NEGR1: variants seen among roughly 807,000 people sequenced by gnomAD.
The protein encoded by NEGR1 is neuronal growth regulator 1, also known as IgLON family member 4.
A neutral mutation model predicts 40.9 loss-of-function variants in NEGR1; 10 were observed. The observed-to-expected ratio is 0.24, with a 90% confidence interval of 0.15 to 0.42. The LOEUF is 0.42. NEGR1 is among the 10% of genes least tolerant of loss of function. NEGR1 has a pLI of 1.00. For missense variants in NEGR1, 352 were observed against 438.9 expected (o/e 0.80, Z 1.77); for synonymous variants, 185 against 166.8 (o/e 1.11, Z -0.84).
At chr1:71,957,015 A>T (rs1312427225) in intron 1 of NEGR1, among the ~76,000 whole-genome samples, 1 of 152,180 alleles carries the variant, frequency 6.6e-6, no homozygotes, top group Non-Finnish European at 1.5e-5. Context: ...TCCTCATCGC[A>T]GGAATACTCA....
chr1:71,758,850 A>T (rs1655835124), intron 3 of NEGR1, among the ~76,000 whole-genome samples: 1 of 152,184 alleles, frequency 6.6e-6, no homozygotes, highest in African/African-American at 2.4e-5. Flanking sequence ...AACAGCACAA[A>T]ATTCCAGTAG....
At chr1:71,424,096 A>AT (rs397779596) in intron 6 of NEGR1, among the ~76,000 whole-genome samples, 1 of 150,640 alleles carries the variant, frequency 6.6e-6, no homozygotes, top group Non-Finnish European at 1.5e-5. Flanking sequence ...AAAAAAAAAA[A>AT]CCTTTAAAAT....
intron 2 of NEGR1, among the ~76,000 whole-genome samples, chr1:71,782,186 C>T (rs1461967292): frequency 2.6e-5 from 4 of 151,978 alleles, no homozygotes; most frequent in African/African-American, 7.3e-5. Context: ...GGATTAGTGC[C>T]CTTATAAAAT....
intron 2 of NEGR1, among the ~76,000 whole-genome samples, chr1:71,868,068 C>A (rs1660168101): frequency 6.6e-6 from 1 of 152,098 alleles, no homozygotes; most frequent in South Asian, 2.1e-4. Context: ...ACTTTTTGGT[C>A]AATGTCTTCC....
At chr1:72,151,358 C>T (rs765261546) in intron 1 of NEGR1, among the ~76,000 whole-genome samples, 45 of 151,258 alleles carry the variant, frequency 3.0e-4, no homozygotes, top group Non-Finnish European at 5.9e-4. Flanking sequence ...TACTAAGCAA[C>T]GGAGATATAA....
intron 6 of NEGR1, among the ~76,000 whole-genome samples, chr1:71,455,385 G>A (rs536155314): frequency 1.3e-5 from 2 of 152,308 alleles, no homozygotes; most frequent in Admixed American, 6.5e-5. Context: ...TAAGCAGCTT[G>A]TTCAAGTTCA....
In NEGR1 at chr1:72,053,460, A is replaced by T. The variant is rs931984095; in HGVS notation, c.177-118149T>A. Among the ~76,000 whole-genome samples the T allele has an allele frequency of 3.0e-4, 45 of 151,284 alleles. No individual in the cohort carries two copies. The East Asian group carries it at 7.8e-3, about 26-fold the overall frequency. Reference sequence around the variant, plus strand: ...GAATCTTAGCCTATATATAGGAAAAATCATAATTATACTCTTGCCAGTTAA... The same window carrying T: ...GAATCTTAGCCTATATATAGGAAAATTCATAATTATACTCTTGCCAGTTAA... On this transcript the variant is annotated intron_variant, in intron 1 of 6. Transcript: ENST00000357731.
intron 2 of NEGR1, chr1:71,798,386 A>T (rs1657418224): frequency 6.6e-6 from 1 of 152,190 alleles, no homozygotes; most frequent in Non-Finnish European, 1.5e-5. Flanking sequence ...GTAAGCAAAG[A>T]AAGTATATAA....
At chr1:71,878,482 ACTT>A (rs1660494437) in intron 2 of NEGR1, among the ~76,000 whole-genome samples, 1 of 152,206 alleles carries the variant, frequency 6.6e-6, no homozygotes, top group South Asian at 2.1e-4. Flanking sequence ...GACACTGAAA[ACTT>A]CTGCTCTGCA....
chr1:71,983,331 GT>G (rs1372261652), intron 1 of NEGR1, among the ~76,000 whole-genome samples: 18 of 152,026 alleles, frequency 1.2e-4, no homozygotes, highest in Non-Finnish European at 4.4e-5. Flanking sequence ...TCTACACAGG[GT>G]TATCTGGAAA....
rs902810851 is a variant in NEGR1 at position 71,863,593 on chromosome 1, G to A, written c.409+71486C>T. Among the ~76,000 whole-genome samples, 113 of 152,102 alleles carry A rather than the reference G, an allele frequency of 7.4e-4. 1 individual carries two copies. Among genetic ancestry groups the A allele is most frequent in the African/African-American group, 2.7e-3 (111 of 41,422 alleles). On this transcript the variant is annotated intron_variant, in intron 2 of 6. Transcript: ENST00000357731. ...CTGCATATCCTGAACACGTACCCTGGAACTTTAAATAAAAGATGAAGAAAA... is the reference window on the plus strand; with the variant it reads ...CTGCATATCCTGAACACGTACCCTGAAACTTTAAATAAAAGATGAAGAAAA...
intron 2 of NEGR1, among the ~76,000 whole-genome samples, chr1:71,839,055 T>A (rs1659141828): frequency 6.6e-6 from 1 of 151,848 alleles, no homozygotes; most frequent in Admixed American, 6.6e-5. Flanking sequence ...AAAGTTGAAA[T>A]GCTGTGTGCA....
intron 1 of NEGR1, among the ~76,000 whole-genome samples, chr1:72,064,866 G>A (rs1647236070): frequency 6.6e-6 from 1 of 152,016 alleles, no homozygotes; most frequent in Non-Finnish European, 1.5e-5. Context: ...TTTATTAAAT[G>A]AGGAAACTTA....
intron 1 of NEGR1, among the ~76,000 whole-genome samples, chr1:71,995,959 C>T (rs901414450): frequency 4.6e-5 from 7 of 151,892 alleles, no homozygotes; most frequent in Admixed American, 6.6e-5. Context: ...TTTTAGAGAA[C>T]GAATATTCTT....
At chr1:72,204,098 T>G (rs1451346223) in intron 1 of NEGR1, among the ~76,000 whole-genome samples, 1 of 152,010 alleles carries the variant, frequency 6.6e-6, no homozygotes, top group African/African-American at 2.4e-5. Flanking sequence ...AAGGTAAGCT[T>G]CTAGAGTGAA....
intron 2 of NEGR1, among the ~76,000 whole-genome samples, chr1:71,926,661 T>C (rs535555311): frequency 1.3e-5 from 2 of 151,646 alleles, no homozygotes; most frequent in Non-Finnish European, 2.9e-5. Context: ...TTTTTTTTTT[T>C]GGCTCTTCCC....
In NEGR1 at chr1:71,749,514, A is replaced by G. The variant is rs1369596542; in HGVS notation, c.535+26658T>C. On this transcript the variant is annotated intron_variant, in intron 3 of 6. Transcript: ENST00000357731. ...TAATCATACTTAGGAAAGGATAGTT[A>G]TTAATTTTATTAATTTTGAGCTCGT... Among the ~76,000 whole-genome samples, 7 of 152,266 alleles carry G rather than the reference A, an allele frequency of 4.6e-5. No homozygotes were observed. In the East Asian group the frequency reaches 1.2e-3, roughly 25 times the overall value.
At chr1:71,911,558 G>A (rs1661420789) in intron 2 of NEGR1, among the ~76,000 whole-genome samples, 1 of 152,174 alleles carries the variant, frequency 6.6e-6, no homozygotes, top group East Asian at 1.9e-4. Context: ...CATGAGAACA[G>A]GAGCTGTTTT....
At chr1:71,501,380 C>A (rs562632262) in intron 6 of NEGR1, among the ~76,000 whole-genome samples, 12 of 152,156 alleles carry the variant, frequency 7.9e-5, no homozygotes, top group African/African-American at 2.6e-4. Context: ...AAGATAATTT[C>A]TAAATACAAT....
Sources: allele counts gnomAD v4.1 joint callset (sites outside exome capture counted in the v4.1 genomes callset), GRCh38; gene constraint gnomAD v4.1.1; transcripts MANE v1.5; gene names NCBI Gene and HGNC (gene_info 2026-07-23, HGNC 2026-07-21).